SPOCK3: variants seen among roughly 807,000 people sequenced by gnomAD.
SPOCK3 encodes the protein testican-3.
In SPOCK3, 30 loss-of-function variants were observed where a neutral mutation model predicts 56.6. The observed-to-expected ratio is 0.53, with a 90% CI of 0.40 to 0.72. The LOEUF is 0.72. Among genes scored for constraint, SPOCK3 ranks in the 30% least tolerant of loss-of-function variants. The pLI is 0.00. For missense variants in SPOCK3, 527 were observed against 530.0 expected (o/e 0.99, Z 0.06); for synonymous variants, 196 against 183.3 (o/e 1.07, Z -0.56).
chr4:166,793,354 C>T (rs1258363413), intron 6 of SPOCK3, among the ~76,000 whole-genome samples: 1 of 152,026 alleles, frequency 6.6e-6, no homozygotes, highest in African/African-American at 2.4e-5. Flanking sequence ...GTAGGGGTAT[C>T]CAATATTTTG....
chr4:167,090,525 C>G (rs1758611929), intron 2 of SPOCK3, among the ~76,000 whole-genome samples: 1 of 150,548 alleles, frequency 6.6e-6, no homozygotes, highest in Admixed American at 6.6e-5. Context: ...TTTTTTGAGA[C>G]AGAGTTTTGC....
intron 2 of SPOCK3, among the ~76,000 whole-genome samples, chr4:167,225,818 C>A (rs556890066): frequency 1.1e-4 from 16 of 152,042 alleles, no homozygotes; most frequent in Admixed American, 5.9e-4. Flanking sequence ...GGAATTCTGG[C>A]AAATCTGATT....
At chr4:166,748,753 C>T (rs7671519) in intron 8 of SPOCK3, among the ~76,000 whole-genome samples, 97,480 of 135,378 alleles carry the variant, frequency 0.72, 40,158 homozygotes, top group South Asian at 0.79. Flanking sequence ...AAAGGGCTAA[C>T]ATCCAGAATC....
chr4:166,897,926 A>G (rs976046804), intron 5 of SPOCK3, among the ~76,000 whole-genome samples: 20 of 152,174 alleles, frequency 1.3e-4, no homozygotes, highest in African/African-American at 4.3e-4. Flanking sequence ...GTCATGGCTT[A>G]TGCCTGTAAT....
intron 2 of SPOCK3, among the ~76,000 whole-genome samples, chr4:167,067,340 A>G (rs1386377955): frequency 1.3e-5 from 2 of 151,868 alleles, no homozygotes; most frequent in East Asian, 3.9e-4. Context: ...TATTTTCACA[A>G]CTATTTTGCA....
intron 4 of SPOCK3, among the ~76,000 whole-genome samples, chr4:166,952,670 C>T (rs1742821389): frequency 6.6e-6 from 1 of 152,174 alleles, no homozygotes; most frequent in African/African-American, 2.4e-5. Flanking sequence ...ATCACACTAC[C>T]TGACTTCAAA....
chr4:166,952,233 A>T (rs1223296517), intron 4 of SPOCK3, among the ~76,000 whole-genome samples: 2 of 152,174 alleles, frequency 1.3e-5, no homozygotes, highest in Non-Finnish European at 2.9e-5. Context: ...ACTTCAGCAA[A>T]GTCTCAGGAT....
chr4:166,854,160 A>C (rs973795189), intron 6 of SPOCK3, among the ~76,000 whole-genome samples: 1 of 152,154 alleles, frequency 6.6e-6, no homozygotes, highest in African/African-American at 2.4e-5. Flanking sequence ...CTCCCAAAGC[A>C]AAGAAGAGTA....
intron 4 of SPOCK3, among the ~76,000 whole-genome samples, chr4:166,920,261 C>G (rs1738342878): frequency 1.3e-5 from 2 of 152,092 alleles, no homozygotes; most frequent in Admixed American, 6.6e-5. Flanking sequence ...AGCATCACTA[C>G]CTCAAATTTT....
At chr4:166,754,431 GTTTTA>G in intron 8 of SPOCK3, 72 bp downstream of exon 8, 12 of 1,528,548 alleles carry the variant, frequency 7.9e-6, no homozygotes, top group Non-Finnish European at 8.8e-6. Flanking sequence ...ATAGTGTACT[GTTTTA>G]TTTTCTTAAA....
chr4:167,052,751 G>C (rs1052616735), intron 3 of SPOCK3, among the ~76,000 whole-genome samples: 6 of 152,016 alleles, frequency 3.9e-5, no homozygotes, highest in African/African-American at 1.5e-4. Flanking sequence ...GTCAATAAAT[G>C]TCATCTGAAA....
At chr4:166,826,688 G>A (rs34194518) in intron 6 of SPOCK3, among the ~76,000 whole-genome samples, 11,608 of 151,934 alleles carry the variant, frequency 0.076, 533 homozygotes, top group Non-Finnish European at 0.1. Context: ...TGGATTATGT[G>A]GGAATGCCCA....
Position 166,951,558 on chromosome 4 carries a change from G to A in SPOCK3, c.351-38815C>T, listed in dbSNP as rs561678715. Among the ~76,000 whole-genome samples, 5 of 138,716 alleles carry A rather than the reference G, an allele frequency of 3.6e-5. 1 individual carries two copies. Among genetic ancestry groups the A allele is most frequent in the East Asian group, 2.0e-4 (1 of 4,984 alleles). The allele number at this position is 138,716 out of a possible 152,430, so 91.0% of individuals were successfully genotyped here. ...AACTATTCCAATCAATAGAAAAAGA[G>A]GGAATCCTCCCTAACTCATTTTATG... is the stretch of plus-strand genomic sequence containing the variant. On this transcript the variant is annotated intron_variant, in intron 4 of 10. Coordinates refer to ENST00000357545, the MANE Select transcript of SPOCK3 (RefSeq NM_001040159.2).
At chr4:166,912,764 G>A (rs750631168) in intron 4 of SPOCK3, 21 bp from the exon 5 acceptor site, 1 of 1,569,302 alleles carries the variant, frequency 6.4e-7, no homozygotes, top group East Asian at 2.3e-5. Context: ...AATAAAGCAA[G>A]CATATTGAGC....
At chr4:167,147,417 C>G (rs892132567) in intron 2 of SPOCK3, among the ~76,000 whole-genome samples, 1 of 152,046 alleles carries the variant, frequency 6.6e-6, no homozygotes, top group Non-Finnish European at 1.5e-5. Flanking sequence ...CCTCAGGGAT[C>G]GAGAACTAGA....
chr4:167,199,765 G>T (rs1167996406), intron 2 of SPOCK3, among the ~76,000 whole-genome samples: 4 of 148,964 alleles, frequency 2.7e-5, no homozygotes, highest in Non-Finnish European at 5.9e-5. Context: ...AAGTATCTAT[G>T]ATTATCTCTG....
At chr4:166,991,352 T>TATTG (rs1433091871) in intron 4 of SPOCK3, among the ~76,000 whole-genome samples, 1 of 144,958 alleles carries the variant, frequency 6.9e-6, no homozygotes, top group Non-Finnish European at 1.5e-5. Flanking sequence ...TATATTTATT[T>TATTG]ATTTATTTAT....
rs559026077 is a variant in SPOCK3, at chr4:167,189,124, A to G, written c.189+44861T>C. ...CCCCAAAATCAAAACTACACACATT[A>G]CAAGAAAACTACAGATGAGTATTCT... On this transcript the variant is annotated intron_variant, in intron 2 of 10. Coordinates refer to ENST00000357545, the MANE Select transcript of SPOCK3 (RefSeq NM_001040159.2). Among the ~76,000 whole-genome samples, 9 of 146,200 alleles carry G rather than the reference A, an allele frequency of 6.2e-5. 2 individuals are homozygous for G. Among genetic ancestry groups the G allele is most frequent in the African/African-American group, 2.3e-4 (9 of 38,424 alleles).
intron 4 of SPOCK3, among the ~76,000 whole-genome samples, chr4:166,971,431 GT>G (rs1202729513): frequency 6.6e-6 from 1 of 150,916 alleles, no homozygotes; most frequent in Admixed American, 6.6e-5. Context: ...TTGATATTTT[GT>G]ACTTACATTC....
Sources: gnomAD v4.1 joint callset for allele counts (sites outside exome capture counted in the v4.1 genomes callset) on GRCh38, gnomAD v4.1.1 for gene constraint, MANE v1.5 for transcripts, NCBI Gene and HGNC (gene_info 2026-07-23, HGNC 2026-07-21) for gene names.